The following RIC1 variants were observed in gnomAD, a reference collection of about 807,000 sequenced individuals.
RIC1 encodes the protein RIC1 partner of RAB6A GEF complex.
A neutral mutation model predicts 169.0 loss-of-function variants in RIC1; 88 were observed. The observed-to-expected ratio is 0.52, with a 90% CI of 0.44 to 0.62. The LOEUF is 0.62. Ranked by LOEUF, RIC1 falls within the 20% of genes least tolerant of loss-of-function variation. RIC1 has a pLI of 0.00. For missense variants in RIC1, 1,877 were observed against 1,725.5 expected (o/e 1.09, Z -1.56); for synonymous variants, 790 against 601.5 (o/e 1.31, Z -4.59).
At chr9:5,777,791 T>C (rs573679217), downstream of RIC1, among the ~76,000 whole-genome samples, 1 of 152,302 alleles carries the variant, frequency 6.6e-6, no homozygotes, top group South Asian at 2.1e-4. Context: ...GAGGTATGGG[T>C]TTATTTATAG....
chr9:5,684,075 C>T (rs1267531281), intron 2 of RIC1, among the ~76,000 whole-genome samples: 1 of 152,198 alleles, frequency 6.6e-6, no homozygotes, highest in African/African-American at 2.4e-5. Flanking sequence ...AGGGAATTCC[C>T]TGACCCCTTG....
At position 5,689,974 on chromosome 9, in the gene RIC1, A is replaced by G. The variant is rs985846092; in HGVS notation, c.268A>G (p.Ile90Val). The G allele has an allele frequency of 2.5e-6, 4 of 1,603,098 alleles. No homozygotes were observed. Among genetic ancestry groups the G allele is most frequent in the Non-Finnish European group, 3.4e-6 (4 of 1,174,322 alleles). Residue 90 changes from isoleucine (I) to valine (V), a missense_variant, in exon 3 of 26, where the codon ATC becomes GTC. Around this residue, in one of 3 missense-constraint regions of RIC1, gnomAD observed 1,104 missense variants for 992.0 expected, o/e 1.11. Coordinates refer to ENST00000414202, the MANE Select transcript of RIC1 (RefSeq NM_020829.4). ...MIAVSTANGY[I>V]LFFHITSTRG... ...TCTCTTTCAGACGGCAAATGGATACATCTTGTTTTTTCATATTACATCTAC... is the reference window on the plus strand; with the variant it reads ...TCTCTTTCAGACGGCAAATGGATACGTCTTGTTTTTTCATATTACATCTAC...
Position 5,629,323 on chromosome 9 carries a change from G to C in RIC1, c.14G>C (p.Ser5Thr), listed in dbSNP as rs900148252. 2 of 1,524,170 alleles carry C rather than the reference G, an allele frequency of 1.3e-6. No homozygotes were observed. Among genetic ancestry groups the C allele is most frequent in the Non-Finnish European group, 1.8e-6 (2 of 1,142,332 alleles). 94.4% of individuals were successfully genotyped at this position (1,524,170 alleles called of 1,614,324 possible). Reference sequence around the variant, plus strand: ...TCCGCACGGACCATGTATTTTCTGAGCGGCTGGCCCAAGAGGCTGCTGTGC... The same window carrying C: ...TCCGCACGGACCATGTATTTTCTGACCGGCTGGCCCAAGAGGCTGCTGTGC... MYFL[S>T]GWPKRLLCPL... The change falls in exon 1 of 26, where the codon AGC (serine) becomes ACC (threonine). Residue 5 changes from serine to threonine, a missense_variant. This residue lies in a region of RIC1 where 1,104 missense variants were observed against 992.0 expected (regional missense o/e 1.11). Transcript: ENST00000414202.
chr9:5,672,507 C>G (rs540669912), intron 2 of RIC1, among the ~76,000 whole-genome samples: 1 of 151,958 alleles, frequency 6.6e-6, no homozygotes, highest in African/African-American at 2.4e-5. Context: ...TCCAGAAGAT[C>G]AAATAGAAAC....
chr9:5,639,891 T>A (rs371856461), intron 1 of RIC1, among the ~76,000 whole-genome samples: 6 of 152,340 alleles, frequency 3.9e-5, no homozygotes, highest in African/African-American at 1.4e-4. Flanking sequence ...ATATAATTAC[T>A]CCTGCTCTTT....
At chr9:5,657,056 G>A (rs763219822) in intron 2 of RIC1, among the ~76,000 whole-genome samples, 9 of 151,916 alleles carry the variant, frequency 5.9e-5, no homozygotes, top group Non-Finnish European at 1.2e-4. Context: ...CCTAAACATA[G>A]CACCTATATC....
intron 2 of RIC1, among the ~76,000 whole-genome samples, chr9:5,669,226 C>T (rs1334153535): frequency 6.6e-6 from 1 of 152,152 alleles, no homozygotes; most frequent in Non-Finnish European, 1.5e-5. Context: ...TTGGTGCACC[C>T]ATCACCCAAG....
chr9:5,662,608 T>A (rs1307342238), intron 2 of RIC1, among the ~76,000 whole-genome samples: 1 of 152,208 alleles, frequency 6.6e-6, no homozygotes, highest in Non-Finnish European at 1.5e-5. Flanking sequence ...TCTTCTAGAT[T>A]TTCTATTTAA....
At chr9:5,677,259 C>CATTT (rs1305505038) in intron 2 of RIC1, among the ~76,000 whole-genome samples, 3 of 152,110 alleles carry the variant, frequency 2.0e-5, no homozygotes, top group Admixed American at 2.0e-4. Flanking sequence ...TTTTAACTTG[C>CATTT]ATTTTTCTAA....
chr9:5,736,941 A>G (rs1317476807), intron 7 of RIC1, among the ~76,000 whole-genome samples: 7 of 151,730 alleles, frequency 4.6e-5, no homozygotes, highest in Non-Finnish European at 1.0e-4. Context: ...ATGGGAATGG[A>G]TCAAAGCTGC....
chr9:5,718,076 G>A (rs544814029), intron 4 of RIC1, among the ~76,000 whole-genome samples: 154 of 129,816 alleles, frequency 1.2e-3, no homozygotes, highest in Middle Eastern at 5.3e-3. Context: ...GGAGGCAGAG[G>A]TTGCAGTGAG....
At chr9:5,734,750 T>C (rs1310112499) in intron 7 of RIC1, among the ~76,000 whole-genome samples, 2 of 152,198 alleles carry the variant, frequency 1.3e-5, no homozygotes, top group Non-Finnish European at 2.9e-5. Context: ...TGGTCAACAT[T>C]GTGAGATTCA....
chr9:5,667,131 C>T (rs1049127048), intron 2 of RIC1, among the ~76,000 whole-genome samples: 5 of 151,924 alleles, frequency 3.3e-5, no homozygotes, highest in African/African-American at 1.2e-4. Flanking sequence ...TACAGGGGAG[C>T]CTGGGGGACA....
chr9:5,760,936 C>G (rs1420090039), intron 17 of RIC1, among the ~76,000 whole-genome samples: 2 of 152,186 alleles, frequency 1.3e-5, no homozygotes, highest in East Asian at 3.9e-4. Flanking sequence ...AATACTCACT[C>G]TTTCCTCCCT....
rs574718180 is a variant in RIC1 at position 5,666,255 on chromosome 9, G to C, written c.252+9565G>C. 2.6e-5 allele frequency among the ~76,000 whole-genome samples: 4 copies of C among 152,300 alleles called. No homozygotes were observed. The South Asian group carries it at 8.3e-4, about 32-fold the overall frequency. The stretch of plus-strand genomic sequence containing the variant: ...GCAGGAAACCTTTCTCTTCCATGCT[G>C]TATGGATATATGTGATTTTTGTGTA... On this transcript the variant is annotated intron_variant, in intron 2 of 25. Transcript: ENST00000414202.
intron 1 of RIC1, among the ~76,000 whole-genome samples, chr9:5,633,850 A>G (rs890791360): frequency 2.6e-5 from 4 of 152,172 alleles, no homozygotes; most frequent in African/African-American, 9.7e-5. Context: ...CCCAGAACGT[A>G]TTCATCTTAT....
chr9:5,706,439 A>C (rs1822588867), intron 3 of RIC1, among the ~76,000 whole-genome samples: 1 of 152,170 alleles, frequency 6.6e-6, no homozygotes, highest in African/African-American at 2.4e-5. Context: ...CGACAGAGCA[A>C]GACTCTGTCT....
At chr9:5,670,853 G>T (rs527270148) in intron 2 of RIC1, among the ~76,000 whole-genome samples, 1 of 152,136 alleles carries the variant, frequency 6.6e-6, no homozygotes. Flanking sequence ...AGGATAGTTT[G>T]GTGGGGCAGG....
chr9:5,758,935 G>T (rs1418407066), intron 17 of RIC1, among the ~76,000 whole-genome samples: 4 of 151,806 alleles, frequency 2.6e-5, no homozygotes, highest in African/African-American at 9.7e-5. Context: ...AGTAGAGACA[G>T]GGTTTCACCA....
Sources: gnomAD v4.1 joint callset for allele counts (sites outside exome capture counted in the v4.1 genomes callset) on GRCh38, gnomAD v4.1.1 for gene constraint, gnomAD v4.1.1 regional missense constraint, MANE v1.5 for transcripts, NCBI Gene and HGNC (gene_info 2026-07-23, HGNC 2026-07-21) for gene names.